Variants in SOX6 observed in about 807,000 individuals in gnomAD.
SOX6 encodes SRY-box transcription factor 6.
In SOX6, 11 loss-of-function variants were observed where a neutral mutation model predicts 97.8. The ratio of observed to expected loss-of-function variants is 0.11; its 90% CI spans 0.07 to 0.19. The LOEUF is 0.19. SOX6 is among the 10% of genes least tolerant of loss of function. The pLI is 1.00. For synonymous variants in SOX6, 360 were observed against 371.4 expected (o/e 0.97, Z 0.35); for missense variants, 810 against 1,039.5 (o/e 0.78, Z 3.04).
rs147416064 is a variant in SOX6, at chr11:16,168,223, T to A, written c.777+15663A>T. ...AGAGGTATTTTGAGGTAAATTAGACTAGAATTGGCAATTCTATGATGCATA... is the reference window on the plus strand; with the variant it reads ...AGAGGTATTTTGAGGTAAATTAGACAAGAATTGGCAATTCTATGATGCATA... On this transcript the variant is annotated intron_variant, in intron 6 of 15. Transcript: ENST00000683767. Among the ~76,000 whole-genome samples the A allele has an allele frequency of 9.5e-4, 145 of 152,254 alleles. No individual in the cohort carries two copies. The South Asian group carries it at 0.013, about 14-fold the overall frequency.
At position 16,159,026 on chromosome 11, in the gene SOX6, T is replaced by C. The variant is rs1019866051; in HGVS notation, c.777+24860A>G. Among the ~76,000 whole-genome samples the C allele has an allele frequency of 4.8e-4, 73 of 152,018 alleles. 1 individual carries two copies. The highest frequency in any genetic ancestry group is 1.5e-3 in the African/African-American group (63 of 41,438). On this transcript the variant is annotated intron_variant, in intron 6 of 15. Coordinates refer to ENST00000683767, the MANE Select transcript of SOX6 (RefSeq NM_001367873.1). ...TATTTTCACCATTTTCCATCTCCTTTCTTTGCAGGAGAAAGACAATGCAAA... is the reference window on the plus strand; with the variant it reads ...TATTTTCACCATTTTCCATCTCCTTCCTTTGCAGGAGAAAGACAATGCAAA...
At chr11:16,633,328 A>C (rs185324686) in intron 3 of SOX6, among the ~76,000 whole-genome samples, 2 of 152,350 alleles carry the variant, frequency 1.3e-5, no homozygotes, top group Admixed American at 6.5e-5. Context: ...CTGCAAAATT[A>C]AATTAAATTT....
At chr11:16,586,225 T>G (rs1848091808) in intron 4 of SOX6, among the ~76,000 whole-genome samples, 1 of 151,784 alleles carries the variant, frequency 6.6e-6, no homozygotes, top group Non-Finnish European at 1.5e-5. Flanking sequence ...AAATGAGAGA[T>G]AACTGGCCTC....
At chr11:16,238,279 T>G (rs1416641810) in intron 3 of SOX6, among the ~76,000 whole-genome samples, 1 of 152,012 alleles carries the variant, frequency 6.6e-6, no homozygotes, top group Non-Finnish European at 1.5e-5. Flanking sequence ...CTTTTCAAAT[T>G]AAAGCTTTTC....
intron 4 of SOX6, among the ~76,000 whole-genome samples, chr11:16,493,763 G>A (rs545832483): frequency 6.6e-6 from 1 of 152,138 alleles, no homozygotes; most frequent in African/African-American, 2.4e-5. Context: ...GTTTTCACCT[G>A]TATGGTCCAG....
intron 1 of SOX6, among the ~76,000 whole-genome samples, chr11:16,393,235 T>C (rs1858238056): frequency 6.6e-6 from 1 of 152,022 alleles, no homozygotes; most frequent in Non-Finnish European, 1.5e-5. Context: ...TTCATTCTTT[T>C]AACCTAAGGG....
intron 12 of SOX6, among the ~76,000 whole-genome samples, chr11:16,020,675 TA>T (rs1855029568): frequency 6.6e-6 from 1 of 152,162 alleles, no homozygotes; most frequent in East Asian, 1.9e-4. Flanking sequence ...ATGAACTCTA[TA>T]AACTCTCTGA....
At chr11:16,374,945 G>A (rs7938702) in intron 1 of SOX6, among the ~76,000 whole-genome samples, 6,379 of 151,752 alleles carry the variant, frequency 0.042, 425 homozygotes, top group African/African-American at 0.14. Context: ...TTCTATCACT[G>A]TTTTAAAAAA....
rs890322507 is a variant in SOX6 at position 16,008,725 on chromosome 11, A to G, written c.1732+6217T>C. Among the ~76,000 whole-genome samples the G allele has an allele frequency of 2.0e-5, 3 of 152,066 alleles. No individual in the cohort carries two copies. In the East Asian group the frequency reaches 5.8e-4, roughly 29 times the overall value. ...AAATATATTTCTTTAAGAGAAGTTTATTTGCTTGTTTAAGAGAGCTGCACT... is the reference window on the plus strand; with the variant it reads ...AAATATATTTCTTTAAGAGAAGTTTGTTTGCTTGTTTAAGAGAGCTGCACT... On this transcript the variant is annotated intron_variant, in intron 13 of 15. Coordinates refer to ENST00000683767, the MANE Select transcript of SOX6 (RefSeq NM_001367873.1).
chr11:16,435,213 G>A (rs1859352621), intron 1 of SOX6, among the ~76,000 whole-genome samples: 1 of 152,074 alleles, frequency 6.6e-6, no homozygotes, highest in Non-Finnish European at 1.5e-5. Context: ...TTATTTCTGT[G>A]TTAAATCACA....
At chr11:16,705,826 AT>A (rs762806153) in intron 3 of SOX6, among the ~76,000 whole-genome samples, 12 of 152,352 alleles carry the variant, frequency 7.9e-5, no homozygotes, top group African/African-American at 1.2e-4. Context: ...CACTAAAAAA[AT>A]AACCAAAATA....
intron 9 of SOX6, among the ~76,000 whole-genome samples, chr11:16,065,874 T>G (rs540612180): frequency 1.1e-4 from 16 of 152,064 alleles, no homozygotes; most frequent in South Asian, 2.1e-4. Flanking sequence ...TTGAGTAATA[T>G]CCCACAAGAA....
chr11:16,708,416 G>A (rs1848153031), intron 3 of SOX6, among the ~76,000 whole-genome samples: 1 of 152,150 alleles, frequency 6.6e-6, no homozygotes, highest in South Asian at 2.1e-4. Flanking sequence ...TAGTTTGATA[G>A]TTTGATGGTA....
chr11:16,641,075 C>A (rs1272656547), intron 3 of SOX6, among the ~76,000 whole-genome samples: 1 of 152,222 alleles, frequency 6.6e-6, no homozygotes, highest in East Asian at 1.9e-4. Flanking sequence ...CTACACACTG[C>A]TTTAAATGTG....
chr11:16,596,681 C>T (rs1005047352), intron 4 of SOX6, among the ~76,000 whole-genome samples: 3 of 152,212 alleles, frequency 2.0e-5, no homozygotes, highest in Non-Finnish European at 2.9e-5. Flanking sequence ...TTCACTAGTA[C>T]AATGCATTTT....
intron 6 of SOX6, among the ~76,000 whole-genome samples, chr11:16,141,009 G>A (rs1850121134): frequency 6.6e-6 from 1 of 151,958 alleles, no homozygotes; most frequent in African/African-American, 2.4e-5. Context: ...AGCTACATGG[G>A]AAGCTGAGAC....
intron 13 of SOX6, among the ~76,000 whole-genome samples, chr11:16,002,158 C>T (rs914872617): frequency 2.5e-4 from 38 of 152,172 alleles, no homozygotes; most frequent in Non-Finnish European, 5.9e-5. Flanking sequence ...AACAAACACA[C>T]GACCGGAGTG....
In SOX6 at chr11:16,695,857, A is replaced by G. The variant is rs145847137; in HGVS notation, n.429+18973T>C. ...AAAAAAAAAAACACACACACACACAATTAGCCAGGCCTGATGTTGCATGCC... is the reference window on the plus strand; with the variant it reads ...AAAAAAAAAAACACACACACACACAGTTAGCCAGGCCTGATGTTGCATGCC... On this transcript the variant is annotated intron_variant and non_coding_transcript_variant, in intron 3 of 5. Transcript: ENST00000524520. 5.1e-4 allele frequency among the ~76,000 whole-genome samples: 78 copies of G among 152,002 alleles called. 1 individual carries two copies. The East Asian group carries it at 0.014, about 28-fold the overall frequency.
At chr11:16,715,303 T>C (rs1848212150) in intron 2 of SOX6, among the ~76,000 whole-genome samples, 1 of 152,252 alleles carries the variant, frequency 6.6e-6, no homozygotes. Flanking sequence ...TTGGGTTACA[T>C]AACATATATT....
Sources: allele counts gnomAD v4.1 joint callset (sites outside exome capture counted in the v4.1 genomes callset), GRCh38; gene constraint gnomAD v4.1.1; transcripts MANE v1.5; gene names NCBI Gene and HGNC (gene_info 2026-07-23, HGNC 2026-07-21).